Variants in ARSJ observed in about 807,000 individuals in gnomAD.
ARSJ encodes arylsulfatase family member J.
A neutral mutation model predicts 35.9 loss-of-function variants in ARSJ; 26 were observed. That is an observed-to-expected ratio of 0.72 (90% CI 0.53 to 1.00). The LOEUF (loss-of-function observed/expected upper bound fraction) is 1.00, where lower values mean the gene tolerates loss of function less well. ARSJ is among the 50% of genes least tolerant of loss of function. The pLI is 0.00. For synonymous variants in ARSJ, 294 were observed against 267.6 expected (o/e 1.10, Z -0.96); for missense variants, 667 against 723.6 (o/e 0.92, Z 0.90).
intron 1 of ARSJ, among the ~76,000 whole-genome samples, chr4:113,959,741 C>T (rs1297061916): frequency 6.6e-6 from 1 of 151,968 alleles, no homozygotes; most frequent in East Asian, 1.9e-4. Flanking sequence ...ATGAGATTAA[C>T]TGTTTCATCA....
At chr4:113,949,017 AG>A (rs1725683308) in intron 1 of ARSJ, among the ~76,000 whole-genome samples, 1 of 152,158 alleles carries the variant, frequency 6.6e-6, no homozygotes, top group African/African-American at 2.4e-5. Flanking sequence ...CTATAAAAAA[AG>A]AATGAGTTCA....
rs148247890 is a variant in ARSJ at position 113,950,897 on chromosome 4, T to C, written c.398+27540A>G. On this transcript the variant is annotated intron_variant, in intron 1 of 1. Transcript: ENST00000315366. ...TTTGCATACAGTTGAAGCACTGGTA[T>C]ACTGACGTGGTGTCCTGTTGTTCTG... Among the ~76,000 whole-genome samples, 107 of 152,230 alleles carry C rather than the reference T, an allele frequency of 7.0e-4. 2 individuals are homozygous for C. In the East Asian group the frequency reaches 0.014, roughly 20 times the overall value.
chr4:113,971,611 C>A (rs1727254266), intron 1 of ARSJ, among the ~76,000 whole-genome samples: 1 of 152,186 alleles, frequency 6.6e-6, no homozygotes, highest in Non-Finnish European at 1.5e-5. Flanking sequence ...GTCAAAGCCA[C>A]CCTCTCCACT....
chr4:113,977,968 TTACTC>T (rs1414262567), intron 1 of ARSJ, among the ~76,000 whole-genome samples: 1 of 152,234 alleles, frequency 6.6e-6, no homozygotes, highest in African/African-American at 2.4e-5. Flanking sequence ...ATATTTTACA[TTACTC>T]TATATCTGTT....
chr4:113,957,068 G>A (rs1726227697), intron 1 of ARSJ, among the ~76,000 whole-genome samples: 1 of 152,014 alleles, frequency 6.6e-6, no homozygotes, highest in Non-Finnish European at 1.5e-5. Flanking sequence ...ATTAGAGGGT[G>A]TATTTTACTT....
chr4:113,969,460 TA>T (rs1237388698), intron 1 of ARSJ, among the ~76,000 whole-genome samples: 1 of 152,214 alleles, frequency 6.6e-6, no homozygotes, highest in Non-Finnish European at 1.5e-5. Flanking sequence ...GTAAGGTTTT[TA>T]TATGATTAAT....
At position 113,917,660 on chromosome 4, in the gene ARSJ, G is replaced by A. The variant is rs564023476; in HGVS notation, c.399-13985C>T. Among the ~76,000 whole-genome samples, 21 of 152,158 alleles carry A rather than the reference G, an allele frequency of 1.4e-4. 1 individual carries two copies. Among genetic ancestry groups the A allele is most frequent in the African/African-American group, 3.9e-4 (16 of 41,530 alleles). ...CACTATTTCCCTTTGAAATTTACCA[G>A]CATATTATTAGACTCTTCAATATGA... On this transcript the variant is annotated intron_variant, in intron 1 of 1. Transcript: ENST00000315366.
intron 1 of ARSJ, among the ~76,000 whole-genome samples, chr4:113,922,267 ATT>A (rs1324700952): frequency 1.3e-5 from 2 of 152,308 alleles, no homozygotes; most frequent in African/African-American, 4.8e-5. Flanking sequence ...CAAATCAAAT[ATT>A]GTTATTCAAT....
At chr4:113,919,320 G>T (rs549475037) in intron 1 of ARSJ, among the ~76,000 whole-genome samples, 1 of 152,012 alleles carries the variant, frequency 6.6e-6, no homozygotes, top group Non-Finnish European at 1.5e-5. Context: ...CAAAGAAAAG[G>T]CCGAACCAAG....
chr4:113,953,109 A>C (rs1399380049), intron 1 of ARSJ, among the ~76,000 whole-genome samples: 1 of 152,078 alleles, frequency 6.6e-6, no homozygotes, highest in Non-Finnish European at 1.5e-5. Context: ...AGGATTTAAG[A>C]AATTTAAGTG....
At chr4:113,958,490 T>C (rs1286260260) in intron 1 of ARSJ, among the ~76,000 whole-genome samples, 1 of 152,098 alleles carries the variant, frequency 6.6e-6, no homozygotes, top group East Asian at 1.9e-4. Context: ...ATTTGCACTA[T>C]GTTCTCCAAA....
intron 1 of ARSJ, among the ~76,000 whole-genome samples, chr4:113,937,406 A>G (rs544382665): frequency 6.6e-6 from 1 of 152,180 alleles, no homozygotes; most frequent in East Asian, 1.9e-4. Context: ...AATAAGAGCC[A>G]TTTATGACAA....
rs998755757 is a variant in ARSJ at position 113,902,800 on chromosome 4, A to G, written c.1274T>C (p.Ile425Thr). The G allele has an allele frequency of 1.2e-6, 2 of 1,614,068 alleles. No homozygotes were observed. The highest frequency in any genetic ancestry group is 1.7e-6 in the Non-Finnish European group (2 of 1,180,012). The change falls in exon 2 of 2, where the codon ATA (isoleucine) becomes ACA (threonine). Residue 425 changes from isoleucine (I) to threonine (T), a missense_variant. Physicochemically the swap from Ile to Thr is moderately conservative, Grantham distance 89 (BLOSUM62 -1). Transcript: ENST00000315366. ...RVDILHNIDP[I>T]YTKAKNGSWA... is the part of the protein sequence containing the mutation. ...GGAGCCATTTTTTGCCTTGGTGTAT[A>G]TGGGGTCAATGTTATGCAAAATATC... is the stretch of plus-strand genomic sequence containing the variant.
chr4:113,972,218 A>T (rs927569916), intron 1 of ARSJ, among the ~76,000 whole-genome samples: 6 of 146,536 alleles, frequency 4.1e-5, no homozygotes. Context: ...ATAGCTGACA[A>T]GGCCCAGCTG....
chr4:113,937,403 G>A (rs1459483348), intron 1 of ARSJ, among the ~76,000 whole-genome samples: 2 of 151,888 alleles, frequency 1.3e-5, no homozygotes, highest in Non-Finnish European at 2.9e-5. Context: ...AATAATAAGA[G>A]CCATTTATGA....
intron 1 of ARSJ, among the ~76,000 whole-genome samples, chr4:113,921,288 C>T (rs576774243): frequency 2.9e-4 from 44 of 152,020 alleles, no homozygotes; most frequent in Admixed American, 1.8e-3. Flanking sequence ...TTACTCATTT[C>T]AGTAAGAGAA....
chr4:113,971,487 T>C (rs1727246833), intron 1 of ARSJ, among the ~76,000 whole-genome samples: 1 of 152,152 alleles, frequency 6.6e-6, no homozygotes, highest in African/African-American at 2.4e-5. Flanking sequence ...TGCCAATAGT[T>C]TATTTGACCA....
At chr4:113,941,312 C>G (rs1201724059) in intron 1 of ARSJ, among the ~76,000 whole-genome samples, 2 of 151,952 alleles carry the variant, frequency 1.3e-5, no homozygotes, top group Non-Finnish European at 2.9e-5. Flanking sequence ...TTTTTGGTAT[C>G]TCTGGTAATT....
rs1323850835 is a variant in ARSJ at position 113,905,763 on chromosome 4, G to C, written c.399-2088C>G. 3.5e-5 allele frequency among the ~76,000 whole-genome samples: 5 copies of C among 141,462 alleles called. No homozygotes were observed. In the East Asian group the frequency reaches 1.1e-3, roughly 31 times the overall value. 92.8% of individuals were successfully genotyped at this position (141,462 alleles called of 152,430 possible). On this transcript the variant is annotated intron_variant, in intron 1 of 1. Transcript: ENST00000315366. ...GCCCACTGCAACCTCTGCCTCCCGG[G>C]TTCAAATGATTCTCCTGCCTCAGCC...
Sources: gnomAD v4.1 joint callset for allele counts (sites outside exome capture counted in the v4.1 genomes callset) on GRCh38, gnomAD v4.1.1 for gene constraint, MANE v1.5 for transcripts, NCBI Gene and HGNC (gene_info 2026-07-23, HGNC 2026-07-21) for gene names.